The following ANO7 variants were observed in gnomAD, a reference collection of about 807,000 sequenced individuals.
The protein encoded by ANO7 is anoctamin-7.
Under a neutral mutation model 115.8 loss-of-function variants are expected in ANO7, and 114 were observed. The observed-to-expected ratio is 0.98, with a 90% CI of 0.85 to 1.15. ANO7 has a LOEUF of 1.15. Among genes scored for constraint, ANO7 ranks in the 50% most tolerant of loss-of-function variants. ANO7 has a pLI of 0.00. For missense variants in ANO7, 1,302 were observed against 1,201.2 expected (o/e 1.08, Z -1.24); for synonymous variants, 550 against 498.2 (o/e 1.10, Z -1.38).
At chr2:241,208,083 C>G (rs557126161) in intron 11 of ANO7, among the ~76,000 whole-genome samples, 73 of 152,314 alleles carry the variant, frequency 4.8e-4, no homozygotes, top group African/African-American at 1.5e-3. Context: ...CACTGTCCCC[C>G]CTCCCGCCTG....
Position 241,214,866 on chromosome 2 carries a change from A to G in ANO7, c.1790A>G (p.Lys597Arg). The G allele has an allele frequency of 1.9e-6, 3 of 1,612,942 alleles. No homozygotes were observed. The highest frequency in any genetic ancestry group is 1.7e-6 in the Non-Finnish European group (2 of 1,179,952). The change falls in exon 18 of 25, where the codon AAG becomes AGG. Residue 597 changes from lysine (K) to arginine (R), a missense_variant. Coordinates refer to ENST00000674324, the MANE Select transcript of ANO7 (RefSeq NM_001370694.2). Reference sequence around the variant, plus strand: ...GAGCTCCTGGTCATCATGGTGGGCAAGCAGGTCATCAACAACATGCAGGAG... The same window carrying G: ...GAGCTCCTGGTCATCATGGTGGGCAGGCAGGTCATCAACAACATGCAGGAG... ...AQELLVIMVGKQVINNMQEVL... is the reference protein window; with the variant it reads ...AQELLVIMVGRQVINNMQEVL...
At chr2:241,234,647 C>T in the ANO7 span, among the ~76,000 whole-genome samples, 4 of 152,188 alleles carry the variant, frequency 2.6e-5, no homozygotes, top group African/African-American at 9.7e-5. Context: ...AGAGGCTGGG[C>T]GTCTGCAGCG....
intron 17 of ANO7, chr2:241,212,850 A>G: frequency 1.9e-6 from 1 of 536,068 alleles, no homozygotes; most frequent in Non-Finnish European, 3.4e-6. Flanking sequence ...AAAACACTCC[A>G]GGCCGGGCAC....
At chr2:241,213,478 A>G (rs1335973768) in intron 17 of ANO7, among the ~76,000 whole-genome samples, 4 of 152,228 alleles carry the variant, frequency 2.6e-5, no homozygotes, top group Non-Finnish European at 4.4e-5. Context: ...GGGTCCCTGC[A>G]AAGCAGACCC....
At chr2:241,240,180 G>A in the ANO7 span, 8 of 1,529,462 alleles carry the variant, frequency 5.2e-6, no homozygotes, top group Non-Finnish European at 7.3e-6. The surrounding 1 kb of genome is among the most constrained non-coding windows in gnomAD (Gnocchi z 5.5). Context: ...CCACAGTGAG[G>A]AAGACAAGAG....
intron 21 of ANO7, among the ~76,000 whole-genome samples, chr2:241,222,306 C>T (rs1004055221): frequency 6.6e-6 from 1 of 151,948 alleles, no homozygotes; most frequent in African/African-American, 2.4e-5. Context: ...GCCACCGCGC[C>T]CGGCTGAAAG....
chr2:241,191,361 C>T (rs1352284799), intron 3 of ANO7, 110 bp downstream of exon 3: 1 of 1,371,620 alleles, frequency 7.3e-7, no homozygotes, highest in East Asian at 2.4e-5. Flanking sequence ...AGTAGCCACT[C>T]TGGGGCCAGT....
the ANO7 span, chr2:241,240,194 C>T: frequency 6.9e-7 from 1 of 1,456,198 alleles, no homozygotes; most frequent in East Asian, 2.3e-5. This position sits in a 1 kb window ranked among gnomAD's most constrained non-coding sequence, Gnocchi z 5.5. Flanking sequence ...ACAAGAGGGT[C>T]TGTAGGACAG....
At chr2:241,236,281 G>C in the ANO7 span, 6 of 340,202 alleles carry the variant, frequency 1.8e-5, no homozygotes, top group Non-Finnish European at 2.7e-5. Flanking sequence ...ACTCACGCGG[G>C]GGGAGACGTT....
At chr2:241,228,138 C>A, downstream of ANO7, 1 of 152,400 alleles carries the variant, frequency 6.6e-6, no homozygotes. Flanking sequence ...AAGCGACTGT[C>A]CCCAGGGAAG....
Position 241,223,742 on chromosome 2 carries a change from G to C in ANO7, c.2493G>C (p.Arg831=). ...IPESVEIKVK[R]EYYLAKQALA... is the part of the protein sequence containing the mutation. ...AGTCTGTGGAGATCAAAGTGAAGCGGGAGTACTACCTGGCTAAGCAGGCAC... is the reference window on the plus strand; with the variant it reads ...AGTCTGTGGAGATCAAAGTGAAGCGCGAGTACTACCTGGCTAAGCAGGCAC... The change falls in exon 23 of 25, where the codon CGG becomes CGC. Residue 831 remains arginine, a synonymous_variant. Transcript: ENST00000674324. The C allele has an allele frequency of 6.2e-7, 1 of 1,614,196 alleles. No homozygotes were observed. Among genetic ancestry groups the C allele is most frequent in the Middle Eastern group, 1.6e-4 (1 of 6,062 alleles).
At chr2:241,216,068 C>A in intron 18 of ANO7, 25 bp from the exon 19 acceptor site, 1 of 1,587,118 alleles carries the variant, frequency 6.3e-7, no homozygotes, top group South Asian at 1.2e-5. Context: ...GATCAAAGGC[C>A]ATTTTCCTGT....
chr2:241,212,132 A>G lies in ANO7; in HGVS notation c.1600A>G (p.Thr534Ala). 1.9e-6 allele frequency: 3 copies of G among 1,614,002 alleles called. No homozygotes were observed. The highest frequency in any genetic ancestry group is 2.5e-6 in the Non-Finnish European group (3 of 1,179,982). Residue 534 changes from threonine to alanine, a missense_variant, in exon 16 of 25, where the codon ACC becomes GCC. By Grantham distance (58) the Thr-to-Ala change is moderately conservative (BLOSUM62 0). Transcript: ENST00000674324. ...RTQTKFEDAF[T>A]LKVFIFQFVN... ...CCAGACCAAGTTCGAGGACGCCTTC[A>G]CCCTCAAGGTGTTCATCTTCCAGTT...
chr2:241,216,614 G>A (rs960724488), intron 19 of ANO7, among the ~76,000 whole-genome samples: 1 of 152,234 alleles, frequency 6.6e-6, no homozygotes, highest in Admixed American at 6.5e-5. Flanking sequence ...GGGAGGCAGC[G>A]GCCTGGAGAG....
chr2:241,218,362 G>T lies in ANO7; in HGVS notation c.2302G>T (p.Ala768Ser). ...GCGAGCCCCGTCCTCCTTCGCCGCC[G>T]CGCACAACCGCACGTGCAGGTGAGC... ...LARAPSSFAA[A>S]HNRTCRYRAF... is the part of the protein sequence containing the mutation. The change falls in exon 21 of 25, where the codon GCG becomes TCG. Residue 768 changes from alanine (A) to serine (S), a missense_variant. By Grantham distance (99) the Ala-to-Ser change is moderately conservative. Coordinates refer to ENST00000674324, the MANE Select transcript of ANO7 (RefSeq NM_001370694.2). The T allele has an allele frequency of 6.8e-7, 1 of 1,462,518 alleles. No individual in the cohort carries two copies. 90.6% of individuals were successfully genotyped at this position (1,462,518 alleles called of 1,614,324 possible). A position where few individuals can be genotyped will look rare whatever the true frequency, so the allele number is the denominator to read the frequency against.
intron 17 of ANO7, among the ~76,000 whole-genome samples, chr2:241,213,803 T>A (rs1244054168): frequency 6.6e-6 from 1 of 152,072 alleles, no homozygotes; most frequent in Non-Finnish European, 1.5e-5. Flanking sequence ...TCGCATGGGG[T>A]CTGGGCCATG....
In ANO7 at chr2:241,204,847, C is replaced by T; in HGVS notation, c.890-18C>T. ...AGCCTGGGTTCCTGATGGTGGACCC[C>T]TGCCATCCTCTCTACAGGGTTTTAC... On this transcript the variant is annotated intron_variant, in intron 9 of 24. Coordinates refer to ENST00000674324, the MANE Select transcript of ANO7 (RefSeq NM_001370694.2). 1 of 1,609,370 alleles carries T rather than the reference C, an allele frequency of 6.2e-7. No homozygotes were observed. Among genetic ancestry groups the T allele is most frequent in the Non-Finnish European group, 8.5e-7 (1 of 1,176,304 alleles).
chr2:241,209,127 T>A (rs373096463), intron 11 of ANO7, among the ~76,000 whole-genome samples, 158 bp from the exon 12 acceptor site: 2 of 152,140 alleles, frequency 1.3e-5, no homozygotes, highest in African/African-American at 4.8e-5. Flanking sequence ...CCAGCCTGGG[T>A]GACAGAGCCA....
At chr2:241,229,791 C>CCCCCCCCCCGGG, downstream of ANO7, 1 of 1,553,454 alleles carries the variant, frequency 6.4e-7, no homozygotes, top group Non-Finnish European at 8.7e-7. Flanking sequence ...CCTGCCCGCC[C>CCCCCCCCCCGGG]ACCCTCCCTG....
Sources: allele counts gnomAD v4.1 joint callset (sites outside exome capture counted in the v4.1 genomes callset), GRCh38; gene constraint gnomAD v4.1.1; non-coding constraint Gnocchi (gnomAD v3.1); transcripts MANE v1.5; gene names NCBI Gene and HGNC (gene_info 2026-07-23, HGNC 2026-07-21).